Variants in MDM4 observed in about 807,000 individuals in gnomAD.
MDM4 encodes protein Mdm4.
Under a neutral mutation model 60.2 loss-of-function variants are expected in MDM4, and 2 were observed. The observed-to-expected ratio is 0.03, with a 90% CI of 0.01 to 0.10. The LOEUF (loss-of-function observed/expected upper bound fraction) is 0.10. MDM4 is among the 10% of genes least tolerant of loss of function. The probability of loss-of-function intolerance (pLI) is 1.00; values close to 1 mark genes in which losing one functional copy is unlikely to be tolerated. For synonymous variants in MDM4, 202 were observed against 198.1 expected, an observed-to-expected ratio of 1.02 and a Z score of -0.17; for missense variants, 447 against 577.5, an observed-to-expected ratio of 0.77 and a Z score of 2.32.
In MDM4 at chr1:204,549,962, C is replaced by T. The variant is rs1276904754; in HGVS notation, c.*280C>T. 2.6e-5 allele frequency: 8 copies of T among 310,920 alleles called. No homozygotes were observed. The East Asian group carries it at 3.4e-4, about 13-fold the overall frequency. The allele number at this position is 310,920 out of a possible 1,614,324, so 19.3% of individuals were successfully genotyped here. On this transcript the variant is annotated 3_prime_UTR_variant, in exon 11 of 11. Transcript: ENST00000367182. ...GAAAACAAGAGATTTCTTCCATGCA[C>T]ATTTACAATATTGAGGTATAATTAA... is the stretch of plus-strand genomic sequence containing the variant.
intron 6 of MDM4, chr1:204,537,974 T>C (rs1440814086): frequency 2.7e-6 from 2 of 740,644 alleles, no homozygotes; most frequent in Admixed American, 1.7e-5. Context: ...AACAGTAGAT[T>C]TTGGCCTTTG....
At chr1:204,527,870 T>G (rs1362922300) in intron 3 of MDM4, among the ~76,000 whole-genome samples, 1 of 152,090 alleles carries the variant, frequency 6.6e-6, no homozygotes, top group Middle Eastern at 3.4e-3. Context: ...CAGGCTTTTT[T>G]TTTTTTCGAA....
At chr1:204,542,505 CT>C (rs951546378) in intron 7 of MDM4, among the ~76,000 whole-genome samples, 35 of 149,386 alleles carry the variant, frequency 2.3e-4, no homozygotes, top group Admixed American at 9.4e-4. Context: ...CTTTTAGAGT[CT>C]TTTTTTTTTC....
chr1:204,537,711 C>G (rs1456389072), intron 6 of MDM4: 1 of 606,138 alleles, frequency 1.6e-6, no homozygotes, highest in African/African-American at 1.9e-5. Context: ...TGTAGCACTT[C>G]TGATCTTCAG....
Position 204,530,753 on chromosome 1 carries a change from T to C in MDM4, c.223T>C (p.Tyr75His). ...TGATCAGCAGGAGCAGCATATGGTA[T>C]ATTGTGGTGGAGATCTTTTGGGAGA... ...LYDQQEQHMV[Y>H]CGGDLLGELL... The change falls in exon 4 of 11, where the codon TAT becomes CAT. Residue 75 changes from tyrosine to histidine, a missense_variant. Physicochemically the swap from Tyr to His is moderately conservative, Grantham distance 83. Transcript: ENST00000367182. 1 of 1,614,204 alleles carries C rather than the reference T, an allele frequency of 6.2e-7. No homozygotes were observed. Among genetic ancestry groups the C allele is most frequent in the South Asian group, 1.1e-5 (1 of 91,088 alleles).
rs536878772 is a variant in MDM4 at position 204,519,865 on chromosome 1, C to T, written c.-36+3356C>T. On this transcript the variant is annotated intron_variant, in intron 1 of 10. Transcript: ENST00000367182. ...TATTCCATCTGTAATGTTATGGAATCACAGATGGAATAAATAACAGAACGG... is the reference window on the plus strand; with the variant it reads ...TATTCCATCTGTAATGTTATGGAATTACAGATGGAATAAATAACAGAACGG... 9.2e-5 allele frequency among the ~76,000 whole-genome samples: 14 copies of T among 151,940 alleles called. 1 individual carries two copies. In the East Asian group the frequency reaches 2.7e-3, roughly 29 times the overall value.
chr1:204,542,641 A>C, intron 7 of MDM4, 143 bp from the exon 8 acceptor site: 1 of 613,430 alleles, frequency 1.6e-6, no homozygotes, highest in Non-Finnish European at 2.7e-6. Flanking sequence ...CCACTAAGAC[A>C]GATACTTGAT....
At position 204,523,503 on chromosome 1, in the gene MDM4, C is replaced by CTTTA. The variant is rs1558310755; in HGVS notation, c.-35-1981_-35-1980insTTTA. Reference sequence around the variant, plus strand: ...TTTTTTTTTTTTTTTTTTTTTTTTGCGACAGGGTATCGCTTTGTCACCCAG... The same window carrying CTTTA: ...TTTTTTTTTTTTTTTTTTTTTTTTGCTTTAGACAGGGTATCGCTTTGTCACCCAG... On this transcript the variant is annotated intron_variant, in intron 1 of 10. Coordinates refer to ENST00000367182, the MANE Select transcript of MDM4 (RefSeq NM_002393.5). Among the ~76,000 whole-genome samples the CTTTA allele has an allele frequency of 1.2e-4, 10 of 82,004 alleles. 1 individual carries two copies. In the South Asian group the frequency reaches 1.6e-3, roughly 13 times the overall value. 53.8% of individuals were successfully genotyped at this position (82,004 alleles called of 152,430 possible). A position where few individuals can be genotyped will look rare whatever the true frequency, so the allele number is the denominator to read the frequency against.
intron 5 of MDM4, among the ~76,000 whole-genome samples, chr1:204,535,997 C>A (rs997039725): frequency 6.6e-6 from 1 of 151,938 alleles, no homozygotes; most frequent in Non-Finnish European, 1.5e-5. Context: ...TGCGGTGGCT[C>A]ATGCCTGTAA....
At chr1:204,530,620 C>G (rs913895697) in intron 3 of MDM4, 64 bp from the exon 4 acceptor site, 2 of 1,593,584 alleles carry the variant, frequency 1.3e-6, no homozygotes, top group African/African-American at 2.7e-5. Flanking sequence ...CTTACCTCCT[C>G]TAATGAATTT....
intron 7 of MDM4, among the ~76,000 whole-genome samples, chr1:204,539,137 G>A (rs1446153943): frequency 1.3e-5 from 2 of 152,132 alleles, no homozygotes. Flanking sequence ...CCAAAGTGCT[G>A]GGATTACAGG....
intron 5 of MDM4, chr1:204,537,132 C>A (rs1661507639): frequency 2.7e-6 from 1 of 371,842 alleles, no homozygotes; most frequent in Admixed American, 4.5e-5. Flanking sequence ...CTGCTTGGAA[C>A]CAGTTTTCAT....
At chr1:204,532,671 A>G in intron 5 of MDM4, 1 of 1,285,046 alleles carries the variant, frequency 7.8e-7, no homozygotes, top group Non-Finnish European at 1.1e-6. Context: ...ATTAGGATCC[A>G]AAGTCCACAC....
At chr1:204,520,059 C>T (rs903326637) in intron 1 of MDM4, among the ~76,000 whole-genome samples, 16 of 152,018 alleles carry the variant, frequency 1.1e-4, no homozygotes, top group South Asian at 6.2e-4. Flanking sequence ...GGGCGGATCA[C>T]GAGGTCAGGA....
intron 1 of MDM4, among the ~76,000 whole-genome samples, chr1:204,519,827 C>T (rs1659376677): frequency 6.6e-6 from 1 of 151,472 alleles, no homozygotes. Context: ...ACATCTATAT[C>T]TATTCTGTAA....
In MDM4 at chr1:204,544,519, G is replaced by GT. The variant is rs745539835; in HGVS notation, c.673-8dup. 61 of 1,588,286 alleles carry GT rather than the reference G, an allele frequency of 3.8e-5. No individual in the cohort carries two copies. The highest frequency in any genetic ancestry group is 3.6e-4 in the Middle Eastern group (2 of 5,496). On this transcript the variant is annotated splice_polypyrimidine_tract_variant and intron_variant, in intron 8 of 10. Coordinates refer to ENST00000367182, the MANE Select transcript of MDM4 (RefSeq NM_002393.5). ...CCTCTGAATACAGAAACTCATGTTT[G>GT]TTTTTTTTCTGTTAGGATGTGGGTA...
At position 204,545,197 on chromosome 1, in the gene MDM4, A is replaced by T. The variant is rs146448584; in HGVS notation, c.822+513A>T. Among the ~76,000 whole-genome samples, 6 of 152,362 alleles carry T rather than the reference A, an allele frequency of 3.9e-5. No homozygotes were observed. The East Asian group carries it at 9.6e-4, about 24-fold the overall frequency. On this transcript the variant is annotated intron_variant, in intron 9 of 10. Transcript: ENST00000367182. The stretch of plus-strand genomic sequence containing the variant: ...GACACCCCTGTTGTAAATGAACAGC[A>T]GTCTGTAGGAGAAAACTTATTTCTT...
At chr1:204,532,136 A>T in intron 4 of MDM4, 55 bp from the exon 5 acceptor site, 1 of 1,036,666 alleles carries the variant, frequency 9.6e-7, no homozygotes, top group Non-Finnish European at 1.5e-6. Flanking sequence ...CAAACCACTG[A>T]TATCTTCATA....
At chr1:204,525,463 T>G in intron 1 of MDM4, 21 bp from the exon 2 acceptor site, 1 of 1,562,802 alleles carries the variant, frequency 6.4e-7, no homozygotes, top group Non-Finnish European at 8.6e-7. Flanking sequence ...ATAGATGTTA[T>G]AAATTTTTTT....
Sources: gnomAD v4.1 joint callset for allele counts (sites outside exome capture counted in the v4.1 genomes callset) on GRCh38, gnomAD v4.1.1 for gene constraint, MANE v1.5 for transcripts, NCBI Gene and HGNC (gene_info 2026-07-23, HGNC 2026-07-21) for gene names.